The following RAP1GAP variants were observed in gnomAD, a reference collection of about 807,000 sequenced individuals.
RAP1GAP encodes RAP1 GTPase activating protein.
In RAP1GAP, 35 loss-of-function variants were observed where a neutral mutation model predicts 87.2. That is an observed-to-expected ratio of 0.40 (90% CI 0.31 to 0.53). The LOEUF (loss-of-function observed/expected upper bound fraction) is 0.53. Ranked by LOEUF, RAP1GAP falls within the 20% of genes least tolerant of loss-of-function variation. RAP1GAP has a pLI of 0.48. For synonymous variants in RAP1GAP, 375 were observed against 363.9 expected (o/e 1.03, Z -0.35); for missense variants, 734 against 898.9 (o/e 0.82, Z 2.35).
At position 21,599,352 on chromosome 1, in the gene RAP1GAP, G is replaced by A. The variant is rs528116828; in HGVS notation, c.1776+142C>T. The A allele has an allele frequency of 1.2e-4, 147 of 1,226,402 alleles. No homozygotes were observed. The African/African-American group carries it at 1.4e-3, about 12-fold the overall frequency. 76.0% of individuals were successfully genotyped at this position (1,226,402 alleles called of 1,614,324 possible). A position where few individuals can be genotyped will look rare whatever the true frequency, so the allele number is the denominator to read the frequency against. Reference sequence around the variant, plus strand: ...AAGGCTTCTGAGCAGGGGAGGGTTCGTCTGCACTGCTCCTTTGGGCCGGGT... The same window carrying A: ...AAGGCTTCTGAGCAGGGGAGGGTTCATCTGCACTGCTCCTTTGGGCCGGGT... On this transcript the variant is annotated intron_variant, in intron 21 of 24. Coordinates refer to ENST00000374765, the MANE Select transcript of RAP1GAP (RefSeq NM_002885.4).
Position 21,628,400 on chromosome 1 carries a change from T to TAA in RAP1GAP, c.-112-2005_-112-2004dup, listed in dbSNP as rs528098037. On this transcript the variant is annotated intron_variant, in intron 2 of 24. Transcript: ENST00000374765. ...CAATATGGTGAAACCCCATCTCTACTAAAAAAAAAAAAAAAAAAAAAAAAA... is the reference window on the plus strand; with the variant it reads ...CAATATGGTGAAACCCCATCTCTACTAAAAAAAAAAAAAAAAAAAAAAAAAAA... 1.3e-3 allele frequency among the ~76,000 whole-genome samples: 68 copies of TAA among 52,426 alleles called. 6 individuals are homozygous for TAA. The highest frequency in any genetic ancestry group is 5.2e-3 in the African/African-American group (42 of 8,142). 34.4% of individuals were successfully genotyped at this position (52,426 alleles called of 152,430 possible). A position where few individuals can be genotyped will look rare whatever the true frequency, so the allele number is the denominator to read the frequency against.
chr1:21,648,300 G>T (rs1025530650), intron 2 of RAP1GAP, among the ~76,000 whole-genome samples: 1 of 152,174 alleles, frequency 6.6e-6, no homozygotes, highest in Non-Finnish European at 1.5e-5. Flanking sequence ...TCCCTGGGGT[G>T]GGCCTTCTGG....
At chr1:21,608,426 C>G (rs2076169767) in intron 16 of RAP1GAP, 76 bp from the exon 17 acceptor site, 2 of 1,545,822 alleles carry the variant, frequency 1.3e-6, no homozygotes, top group Non-Finnish European at 1.7e-6. Context: ...TCCTGGCCAC[C>G]TTCTGAGGCA....
In RAP1GAP at chr1:21,608,941, A is replaced by C; in HGVS notation, c.1072-5T>G. The stretch of plus-strand genomic sequence containing the variant: ...AAATTCCTGGAACTCAGGCCCCTGG[A>C]AACTCCCAGTGTGGAGGAGATAAGG... On this transcript the variant is annotated splice_polypyrimidine_tract_variant and splice_region_variant and intron_variant, in intron 15 of 24. Transcript: ENST00000374765. The C allele has an allele frequency of 6.2e-7, 1 of 1,608,266 alleles. No individual in the cohort carries two copies. Among genetic ancestry groups the C allele is most frequent in the Non-Finnish European group, 8.5e-7 (1 of 1,174,674 alleles).
intron 1 of RAP1GAP, chr1:21,651,511 C>A (rs759868640): frequency 3.0e-6 from 2 of 656,542 alleles, no homozygotes; most frequent in Non-Finnish European, 5.9e-6. Flanking sequence ...TAGACACAAA[C>A]ACAGCAATGT....
At chr1:21,636,903 G>C (rs1266626488) in intron 2 of RAP1GAP, among the ~76,000 whole-genome samples, 1 of 129,554 alleles carries the variant, frequency 7.7e-6, no homozygotes, top group Admixed American at 8.1e-5. Context: ...GAAGGAAGGA[G>C]GGAAGGAAGG....
chr1:21,638,019 T>C (rs1001854419), intron 2 of RAP1GAP, among the ~76,000 whole-genome samples: 1 of 131,616 alleles, frequency 7.6e-6, no homozygotes, highest in Non-Finnish European at 1.6e-5. Context: ...GGTATGGTGG[T>C]GCATGCCTGT....
chr1:21,636,703 A>G (rs2094724534), intron 2 of RAP1GAP, among the ~76,000 whole-genome samples: 1 of 151,964 alleles, frequency 6.6e-6, no homozygotes. Flanking sequence ...GCTACCCGGG[A>G]GGCTGAGGCA....
chr1:21,658,782 T>C (rs185814371), intron 1 of RAP1GAP, among the ~76,000 whole-genome samples: 1 of 151,912 alleles, frequency 6.6e-6, no homozygotes, highest in Admixed American at 6.6e-5. Context: ...CCAAGGCTGG[T>C]TACTTCTTTG....
intron 13 of RAP1GAP, 75 bp downstream of exon 13, chr1:21,611,377 T>A: frequency 6.5e-7 from 1 of 1,527,608 alleles, no homozygotes; most frequent in Admixed American, 2.0e-5. Context: ...GAGCCTGGCG[T>A]GATGGAGGCT....
At chr1:21,661,847 C>T (rs1178399350) in intron 1 of RAP1GAP, among the ~76,000 whole-genome samples, 1 of 152,240 alleles carries the variant, frequency 6.6e-6, no homozygotes, top group African/African-American at 2.4e-5. Context: ...GTTTTCTTCT[C>T]TGAATAATGA....
At chr1:21,619,701 G>A (rs553775233) in intron 4 of RAP1GAP, among the ~76,000 whole-genome samples, 1 of 151,896 alleles carries the variant, frequency 6.6e-6, no homozygotes, top group Admixed American at 6.6e-5. Flanking sequence ...CCACCACAAA[G>A]CCTGCGGTGT....
chr1:21,618,769 A>G (rs907166894), intron 5 of RAP1GAP, among the ~76,000 whole-genome samples: 9 of 152,042 alleles, frequency 5.9e-5, no homozygotes, highest in Admixed American at 2.0e-4. Flanking sequence ...AGCAGTGAAG[A>G]CCGAGAGGAG....
intron 1 of RAP1GAP, among the ~76,000 whole-genome samples, chr1:21,653,655 C>T (rs2152109062): frequency 6.6e-6 from 1 of 151,590 alleles, no homozygotes; most frequent in Admixed American, 6.6e-5. Context: ...TCCCTTCCTC[C>T]CTCCCTCCTT....
In RAP1GAP at chr1:21,613,961, C is replaced by G; in HGVS notation, c.395+25G>C. 2 of 1,533,648 alleles carry G rather than the reference C, an allele frequency of 1.3e-6. No individual in the cohort carries two copies. The highest frequency in any genetic ancestry group is 1.8e-6 in the Non-Finnish European group (2 of 1,114,158). ...GTAAGACCTCAGCCCTTCCTGCCAT[C>G]TCAGGACTCCCCCACCACCCTCACC... is the stretch of plus-strand genomic sequence containing the variant. On this transcript the variant is annotated intron_variant, in intron 8 of 24. Coordinates refer to ENST00000374765, the MANE Select transcript of RAP1GAP (RefSeq NM_002885.4). The surrounding 1 kb of genome is among the most constrained non-coding windows in gnomAD (Gnocchi z 4.7).
intron 1 of RAP1GAP, among the ~76,000 whole-genome samples, chr1:21,650,089 G>C (rs1007972107): frequency 6.6e-6 from 1 of 151,914 alleles, no homozygotes. Flanking sequence ...GACAGGTGGA[G>C]TAGGACAGTG....
In RAP1GAP at chr1:21,610,141, G is replaced by A; in HGVS notation, c.978C>T (p.Gly326=). The change falls in exon 14 of 25, where the codon GGC becomes GGT. Residue 326 remains glycine (G), a synonymous_variant. Coordinates refer to ENST00000374765, the MANE Select transcript of RAP1GAP (RefSeq NM_002885.4). ...CCACCTTGTAGAGGGGGCCATCAGG[G>A]CCCCCGCCCTCAGCCTGCACCACGA... ...AYVVVQAEGG[G]PDGPLYKVSV... is the part of the protein sequence containing the mutation. 6.2e-7 allele frequency: 1 copy of A among 1,614,020 alleles called. No homozygotes were observed. The highest frequency in any genetic ancestry group is 8.5e-7 in the Non-Finnish European group (1 of 1,179,986).
chr1:21,598,423 G>C lies in RAP1GAP; in HGVS notation c.1856C>G (p.Thr619Ser). Residue 619 changes from threonine (T) to serine (S), a missense_variant, in exon 22 of 25, where the codon ACC becomes AGC. Thr to Ser is a moderately conservative substitution (Grantham distance 58, BLOSUM62 1). Transcript: ENST00000374765. The stretch of plus-strand genomic sequence containing the variant: ...ACCTGGGGAGCTGCCCCCACTAGTG[G>C]TGCTGACACTGTCCTCCAGCCACGT... Reference protein sequence around the residue: ...YSTWLEDSVSTTSGGSSPGPS... With the variant: ...YSTWLEDSVSSTSGGSSPGPS... The C allele has an allele frequency of 6.2e-7, 1 of 1,613,940 alleles. No individual in the cohort carries two copies. The highest frequency in any genetic ancestry group is 2.2e-5 in the East Asian group (1 of 44,878).
At chr1:21,604,774 AGGATGGAT>A (rs60973008) in intron 18 of RAP1GAP, among the ~76,000 whole-genome samples, 1 of 148,626 alleles carries the variant, frequency 6.7e-6, no homozygotes, top group African/African-American at 2.5e-5. Flanking sequence ...CAGTCAATAA[AGGATGGAT>A]GGATGGATGG....
Sources: gnomAD v4.1 joint callset for allele counts (sites outside exome capture counted in the v4.1 genomes callset) on GRCh38, gnomAD v4.1.1 for gene constraint, Gnocchi (gnomAD v3.1) non-coding constraint, MANE v1.5 for transcripts, NCBI Gene and HGNC (gene_info 2026-07-23, HGNC 2026-07-21) for gene names.